Variants in ETV6 observed in about 807,000 individuals in gnomAD.
The protein encoded by ETV6 is ETS variant transcription factor 6.
ETV6 carries 16 observed loss-of-function variants against 51.1 expected under a neutral mutation model. The observed-to-expected ratio is 0.31, with a 90% CI of 0.21 to 0.48. The LOEUF is 0.48. ETV6 is among the 20% of genes least tolerant of loss of function. The probability of loss-of-function intolerance (pLI) is 0.99; values close to 1 mark genes in which losing one functional copy is unlikely to be tolerated. For missense variants in ETV6, 458 were observed against 594.8 expected (o/e 0.77, Z 2.39); for synonymous variants, 240 against 224.1 (o/e 1.07, Z -0.64).
intron 5 of ETV6, among the ~76,000 whole-genome samples, chr12:11,872,825 C>T (rs1946903356): frequency 6.6e-6 from 1 of 152,072 alleles, no homozygotes; most frequent in Admixed American, 6.5e-5. Context: ...TCTCATTCCC[C>T]AATATCAGTG....
At chr12:11,885,738 TA>T (rs72552339) in intron 6 of ETV6, among the ~76,000 whole-genome samples, 187 bp from the exon 7 acceptor site, 3 of 152,184 alleles carry the variant, frequency 2.0e-5, no homozygotes, top group African/African-American at 7.2e-5. Flanking sequence ...ACAGTGAATA[TA>T]AAAAGCTAAA....
intron 4 of ETV6, among the ~76,000 whole-genome samples, chr12:11,862,814 C>T (rs1946735465): frequency 6.6e-6 from 1 of 152,144 alleles, no homozygotes; most frequent in Admixed American, 6.5e-5. Flanking sequence ...AGATAGTCAA[C>T]CCATAATGGG....
At position 11,890,927 on chromosome 12, in the gene ETV6, T is replaced by C. The variant is rs1417008860; in HGVS notation, c.1254-14T>C. The C allele has an allele frequency of 1.9e-6, 3 of 1,607,474 alleles. No homozygotes were observed. Among genetic ancestry groups the C allele is most frequent in the Non-Finnish European group, 2.6e-6 (3 of 1,174,216 alleles). ...AAATGGAATCTCTTACCTCCTCCACTTCTTCTTCCAAAGGTTTATGAAAAC... is the reference window on the plus strand; with the variant it reads ...AAATGGAATCTCTTACCTCCTCCACCTCTTCTTCCAAAGGTTTATGAAAAC... On this transcript the variant is annotated splice_polypyrimidine_tract_variant and intron_variant, in intron 7 of 7. Transcript: ENST00000396373.
intron 1 of ETV6, among the ~76,000 whole-genome samples, chr12:11,713,081 G>GA (rs1266499507): frequency 6.6e-6 from 1 of 152,160 alleles, no homozygotes; most frequent in Non-Finnish European, 1.5e-5. Context: ...GGTGGGTGAT[G>GA]AATTTAAACT....
chr12:11,798,500 C>T (rs1813602525), intron 2 of ETV6, among the ~76,000 whole-genome samples: 2 of 152,072 alleles, frequency 1.3e-5, no homozygotes, highest in Non-Finnish European at 2.9e-5. Flanking sequence ...TACTAGCTTG[C>T]GAGCCACGTG....
intron 2 of ETV6, among the ~76,000 whole-genome samples, chr12:11,799,784 A>T (rs1394891958): frequency 1.3e-5 from 2 of 151,780 alleles, no homozygotes; most frequent in Admixed American, 1.3e-4. Context: ...TTTATTTTTT[A>T]TTTTTTTGAG....
At chr12:11,809,230 G>A (rs998589093) in intron 2 of ETV6, among the ~76,000 whole-genome samples, 7 of 150,306 alleles carry the variant, frequency 4.7e-5, no homozygotes, top group African/African-American at 1.7e-4. Context: ...TGAAACAGAG[G>A]AAAAAAAGGA....
intron 1 of ETV6, among the ~76,000 whole-genome samples, chr12:11,689,502 A>G (rs1323275804): frequency 6.6e-6 from 1 of 152,148 alleles, no homozygotes; most frequent in Non-Finnish European, 1.5e-5. Context: ...TCCAGGAGAA[A>G]AAACTTGATT....
chr12:11,716,228 G>A lies in ETV6; in HGVS notation c.34-36222G>A, dbSNP rs549968584. 2.7e-5 allele frequency among the ~76,000 whole-genome samples: 4 copies of A among 150,796 alleles called. No individual in the cohort carries two copies. In the South Asian group the frequency reaches 6.4e-4, roughly 24 times the overall value. ...CGCCTGTAGTCCCAGCTACTCGGGA[G>A]GCTGAGGCAGGAGAATAGCGTGAAT... On this transcript the variant is annotated intron_variant, in intron 1 of 7. Coordinates refer to ENST00000396373, the MANE Select transcript of ETV6 (RefSeq NM_001987.5).
chr12:11,745,153 T>C lies in ETV6; in HGVS notation c.34-7297T>C, dbSNP rs538205488. Among the ~76,000 whole-genome samples the C allele has an allele frequency of 8.5e-5, 13 of 152,288 alleles. No homozygotes were observed. In the South Asian group the frequency reaches 2.7e-3, roughly 32 times the overall value. On this transcript the variant is annotated intron_variant, in intron 1 of 7. Coordinates refer to ENST00000396373, the MANE Select transcript of ETV6 (RefSeq NM_001987.5). ...AGAAGGGGACTGTGGTGTCCGTGTT[T>C]TATTTGGAGCTGTTCTACCCACACT...
chr12:11,768,572 T>G (rs1230921929), intron 2 of ETV6, among the ~76,000 whole-genome samples: 1 of 152,156 alleles, frequency 6.6e-6, no homozygotes, highest in Non-Finnish European at 1.5e-5. Flanking sequence ...AAATTGACCT[T>G]ATGCTTAGAA....
rs1242574618 is a variant in ETV6, at chr12:11,650,155, A to G, written c.28A>G (p.Ile10Val). The G allele has an allele frequency of 7.4e-6, 12 of 1,613,446 alleles. No individual in the cohort carries two copies. In the East Asian group the frequency reaches 2.7e-4, roughly 36 times the overall value. Reference sequence around the variant, plus strand: ...GTCTGAGACTCCTGCTCAGTGTAGCATTAAGGTAAAAATCTTCTCCCCTCC... The same window carrying G: ...GTCTGAGACTCCTGCTCAGTGTAGCGTTAAGGTAAAAATCTTCTCCCCTCC... Reference protein sequence around the residue: MSETPAQCSIKQERISYTPP... With the variant: MSETPAQCSVKQERISYTPP... Residue 10 changes from isoleucine (I) to valine (V), a missense_variant, in exon 1 of 8, where the codon ATT becomes GTT. Ile to Val is a conservative substitution (Grantham distance 29). Around this residue, in one of 4 missense-constraint regions of ETV6, gnomAD observed 84 missense variants for 75.9 expected, o/e 1.11. Coordinates refer to ENST00000396373, the MANE Select transcript of ETV6 (RefSeq NM_001987.5).
At chr12:11,817,588 C>T (rs1048724310) in intron 2 of ETV6, among the ~76,000 whole-genome samples, 1 of 152,160 alleles carries the variant, frequency 6.6e-6, no homozygotes, top group African/African-American at 2.4e-5. Context: ...ACTTTTCTAG[C>T]CAGAAAGACA....
intron 1 of ETV6, among the ~76,000 whole-genome samples, chr12:11,691,670 G>A (rs574321621): frequency 2.6e-5 from 4 of 152,120 alleles, no homozygotes; most frequent in Admixed American, 1.3e-4. Context: ...TATGCATCAC[G>A]GTAGTTAATT....
intron 1 of ETV6, among the ~76,000 whole-genome samples, chr12:11,660,248 A>G (rs1864076101): frequency 2.0e-5 from 3 of 152,214 alleles, no homozygotes; most frequent in Admixed American, 2.0e-4. Flanking sequence ...CCTAGTGACT[A>G]ATATGTGGAC....
chr12:11,742,805 C>CTTTTTTTTTTTTT, intron 1 of ETV6, among the ~76,000 whole-genome samples: 1 of 78,678 alleles, frequency 1.3e-5, no homozygotes, highest in East Asian at 3.4e-4. Flanking sequence ...TTCTTTCTTT[C>CTTTTTTTTTTTTT]TTTTTTTTTT....
At chr12:11,810,333 C>T (rs931616678) in intron 2 of ETV6, among the ~76,000 whole-genome samples, 3 of 152,050 alleles carry the variant, frequency 2.0e-5, no homozygotes, top group African/African-American at 4.8e-5. Context: ...TGAATGTAAA[C>T]CCGTGAAGAA....
chr12:11,689,036 T>G (rs1864692540), intron 1 of ETV6, among the ~76,000 whole-genome samples: 1 of 147,376 alleles, frequency 6.8e-6, no homozygotes, highest in South Asian at 2.1e-4. Flanking sequence ...ATAACTCTCT[T>G]TAGACAAAGA....
At chr12:11,880,271 T>G (rs566304126) in intron 5 of ETV6, among the ~76,000 whole-genome samples, 1 of 152,344 alleles carries the variant, frequency 6.6e-6, no homozygotes, top group South Asian at 2.1e-4. Flanking sequence ...AAAGTTGGCT[T>G]TGCTGGATTA....
Sources: gnomAD v4.1 joint callset for allele counts (sites outside exome capture counted in the v4.1 genomes callset) on GRCh38, gnomAD v4.1.1 for gene constraint, gnomAD v4.1.1 regional missense constraint, MANE v1.5 for transcripts, NCBI Gene and HGNC (gene_info 2026-07-23, HGNC 2026-07-21) for gene names.